ZNF37A: variants seen among roughly 807,000 people sequenced by gnomAD.
The protein encoded by ZNF37A is zinc finger protein 37a (KOX 21).
In ZNF37A, 10 loss-of-function variants were observed where a neutral mutation model predicts 12.3. That is an observed-to-expected ratio of 0.82 (90% CI 0.50 to 1.38). The LOEUF is 1.38. Ranked by LOEUF, ZNF37A falls within the 40% of genes most tolerant of loss-of-function variation. ZNF37A has a pLI of 0.00. For synonymous variants in ZNF37A, 207 were observed against 223.0 expected (o/e 0.93, Z 0.64); for missense variants, 580 against 651.2 (o/e 0.89, Z 1.19).
intron 7 of ZNF37A, among the ~76,000 whole-genome samples, chr10:38,145,993 A>G (rs1370791476): frequency 4.6e-5 from 7 of 152,136 alleles, no homozygotes; most frequent in Admixed American, 4.6e-4. Flanking sequence ...CCATCTACTC[A>G]GGAGGCTGAG....
chr10:38,147,014 G>A (rs781120070), exon 8 of ZNF37A: 29 of 344,976 alleles, frequency 8.4e-5, no homozygotes, highest in Middle Eastern at 7.9e-4. Flanking sequence ...CATTTTTAGC[G>A]AGGAGCAGAG....
chr10:38,128,216 A>G (rs948339839), downstream of ZNF37A, among the ~76,000 whole-genome samples: 4 of 152,192 alleles, frequency 2.6e-5, no homozygotes, highest in African/African-American at 7.2e-5. Context: ...ATAAAAGTCT[A>G]GGGGTGAGGA....
chr10:38,141,066 G>A (rs891225370), intron 7 of ZNF37A: 2 of 152,056 alleles, frequency 1.3e-5, no homozygotes, highest in African/African-American at 4.8e-5. Context: ...ACCCATATTA[G>A]TGGGTGAAAC....
At chr10:38,106,686 A>C (rs1367816864) in intron 5 of ZNF37A, among the ~76,000 whole-genome samples, 3 of 152,136 alleles carry the variant, frequency 2.0e-5, no homozygotes. Flanking sequence ...TGAAAAACAC[A>C]GCACAAGAAC....
chr10:38,102,501 T>A (rs2067676632), intron 5 of ZNF37A, among the ~76,000 whole-genome samples: 1 of 152,216 alleles, frequency 6.6e-6, no homozygotes, highest in Non-Finnish European at 1.5e-5. Context: ...TAGGCCTTCA[T>A]AAATTGTGTG....
rs1406849648 is a variant in ZNF37A, at chr10:38,148,414, G to C, written c.*1594G>C. 4 of 152,222 alleles carry C rather than the reference G, an allele frequency of 2.6e-5. No individual in the cohort carries two copies. The East Asian group carries it at 7.7e-4, about 29-fold the overall frequency. 9.4% of individuals were successfully genotyped at this position (152,222 alleles called of 1,614,324 possible). A position where few individuals can be genotyped will look rare whatever the true frequency, so the allele number is the denominator to read the frequency against. On this transcript the variant is annotated 3_prime_UTR_variant, in exon 8 of 8. Coordinates refer to the ZNF37A transcript ENST00000638053. Reference sequence around the variant, plus strand: ...TCATGGGAACAGAGCCAAATGAAGAGAGTTGGGTACACAGACGAGGGCTGG... The same window carrying C: ...TCATGGGAACAGAGCCAAATGAAGACAGTTGGGTACACAGACGAGGGCTGG...
chr10:38,112,757 T>TGGTC (rs1453276477), intron 5 of ZNF37A, among the ~76,000 whole-genome samples: 2 of 59,586 alleles, frequency 3.4e-5, no homozygotes, highest in Admixed American at 2.1e-4. Flanking sequence ...TTTCTTTTCT[T>TGGTC]TTCTTTTCTT....
rs1448927248 is a variant in ZNF37A, at chr10:38,117,857, A to T, written c.706A>T (p.Thr236Ser). ...GTTAAATCTCACTCCAATTCAGAGA[A>T]CCCACTCAATTAACAATATTATTGA... ...QKLNLTPIQRTHSINNIIEYN... is the reference protein window; with the variant it reads ...QKLNLTPIQRSHSINNIIEYN... Residue 236 changes from threonine to serine, a missense_variant, in exon 8 of 8, where the codon ACC becomes TCC. Coordinates refer to ENST00000685332, the MANE Select transcript of ZNF37A (RefSeq NM_001324250.3). The T allele has an allele frequency of 6.2e-7, 1 of 1,614,034 alleles. No individual in the cohort carries two copies. The highest frequency in any genetic ancestry group is 8.5e-7 in the Non-Finnish European group (1 of 1,179,978).
rs754670654 is a variant in ZNF37A at position 38,118,236 on chromosome 10, A to T, written c.1085A>T (p.Lys362Ile). The T allele has an allele frequency of 6.2e-7, 1 of 1,614,018 alleles. No homozygotes were observed. The highest frequency in any genetic ancestry group is 8.5e-7 in the Non-Finnish European group (1 of 1,179,934). The change falls in exon 8 of 8, where the codon AAA becomes ATA. Residue 362 changes from lysine (K) to isoleucine (I), a missense_variant. Physicochemically the swap from Lys to Ile is moderately radical, Grantham distance 102. Transcript: ENST00000685332. Reference protein sequence around the residue: ...EKPYECHECGKTFSFKSVLTV... With the variant: ...EKPYECHECGITFSFKSVLTV... Reference sequence around the variant, plus strand: ...CCATATGAATGTCATGAATGTGGGAAAACCTTCTCATTTAAGTCAGTCCTT... The same window carrying T: ...CCATATGAATGTCATGAATGTGGGATAACCTTCTCATTTAAGTCAGTCCTT...
At chr10:38,097,865 A>G (rs183640128) in intron 5 of ZNF37A, among the ~76,000 whole-genome samples, 23 of 152,316 alleles carry the variant, frequency 1.5e-4, no homozygotes, top group African/African-American at 5.3e-4. Flanking sequence ...TACGTTCACA[A>G]TGTTGTACCA....
At chr10:38,105,967 C>T (rs186175715) in intron 5 of ZNF37A, among the ~76,000 whole-genome samples, 1,739 of 123,494 alleles carry the variant, frequency 0.014, 37 homozygotes, top group African/African-American at 0.05. Context: ...ATTTGAATGT[C>T]TTTTATTTTT....
intron 5 of ZNF37A, among the ~76,000 whole-genome samples, chr10:38,106,697 T>C (rs996135098): frequency 2.6e-5 from 4 of 151,924 alleles, no homozygotes; most frequent in Admixed American, 1.3e-4. Context: ...GCACAAGAAC[T>C]TCGTGAAGCA....
intron 7 of ZNF37A, chr10:38,138,791 T>G (rs1189581981): frequency 6.6e-6 from 1 of 152,166 alleles, no homozygotes; most frequent in Non-Finnish European, 1.5e-5. Context: ...GTCTTGTCAT[T>G]AAATTTGCAA....
intron 7 of ZNF37A, among the ~76,000 whole-genome samples, chr10:38,134,816 G>T (rs1341013077): frequency 6.6e-6 from 1 of 152,172 alleles, no homozygotes; most frequent in African/African-American, 2.4e-5. Flanking sequence ...TACTGTCTTC[G>T]AAGCTGTCAG....
At chr10:38,112,758 T>G (rs554409525) in intron 5 of ZNF37A, among the ~76,000 whole-genome samples, 3,541 of 129,878 alleles carry the variant, frequency 0.027, 557 homozygotes, top group African/African-American at 0.042. Flanking sequence ...TTCTTTTCTT[T>G]TCTTTTCTTT....
At chr10:38,103,026 G>C (rs1418693280) in intron 5 of ZNF37A, among the ~76,000 whole-genome samples, 1 of 152,074 alleles carries the variant, frequency 6.6e-6, no homozygotes, top group Non-Finnish European at 1.5e-5. Flanking sequence ...GAAGTTCTTT[G>C]ATGTTATCAT....
intron 5 of ZNF37A, among the ~76,000 whole-genome samples, chr10:38,107,028 A>G (rs138992953): frequency 6.6e-6 from 1 of 152,198 alleles, no homozygotes; most frequent in African/African-American, 2.4e-5. Context: ...CTCGTAAAGA[A>G]GAGCAACCCA....
chr10:38,125,757 A>T (rs865806727), downstream of ZNF37A, among the ~76,000 whole-genome samples: 1 of 152,184 alleles, frequency 6.6e-6, no homozygotes, highest in Admixed American at 6.5e-5. Flanking sequence ...CTGTTAGACC[A>T]TTCTTGCATT....
At chr10:38,100,072 G>T (rs2067438424) in intron 5 of ZNF37A, among the ~76,000 whole-genome samples, 1 of 152,132 alleles carries the variant, frequency 6.6e-6, no homozygotes, top group South Asian at 2.1e-4. Flanking sequence ...TCACATGTCG[G>T]TAGGTTCCGT....
Sources: allele counts gnomAD v4.1 joint callset (sites outside exome capture counted in the v4.1 genomes callset), GRCh38; gene constraint gnomAD v4.1.1; transcripts MANE v1.5; gene names NCBI Gene and HGNC (gene_info 2026-07-23, HGNC 2026-07-21).